AFG3L2: variants seen among roughly 807,000 people sequenced by gnomAD.
AFG3L2 encodes mitochondrial inner membrane m-AAA protease component AFG3L2.
In AFG3L2, 54 loss-of-function variants were observed where a neutral mutation model predicts 94.5. That is an observed-to-expected ratio of 0.57 (90% CI 0.46 to 0.72). AFG3L2 has a LOEUF of 0.72. AFG3L2 is among the 30% of genes least tolerant of loss of function. The pLI is 0.00. For missense variants in AFG3L2, 754 were observed against 994.9 expected (o/e 0.76, Z 3.26); for synonymous variants, 377 against 365.5 (o/e 1.03, Z -0.36).
At position 12,351,343 on chromosome 18, in the gene AFG3L2, C is replaced by A. The variant is rs11080572; in HGVS notation, c.1389G>T (p.Leu463=). The A allele has an allele frequency of 6.2e-7, 1 of 1,613,902 alleles. No individual in the cohort carries two copies. Among genetic ancestry groups the A allele is most frequent in the African/African-American group, 1.3e-5 (1 of 74,902 alleles). Residue 463 remains leucine, a synonymous_variant, in exon 11 of 17, where the codon CTG becomes CTT. Transcript: ENST00000269143. ...TNRPDILDPA[L]LRPGRFDRQI... ...GCCTGTCGAAACGCCCCGGCCTAAG[C>A]AGCGCGGGGTCCAGGATATCTGGTC...
intron 5 of AFG3L2, among the ~76,000 whole-genome samples, chr18:12,365,827 A>G (rs1201783566): frequency 2.6e-4 from 40 of 151,752 alleles, no homozygotes; most frequent in Non-Finnish European, 2.9e-5. Context: ...CCAAGGCTAC[A>G]CAGCAGGCCT....
rs1367524050 is a variant in AFG3L2, at chr18:12,329,446, G to T, written c.*119C>A. 5.6e-6 allele frequency: 6 copies of T among 1,075,120 alleles called. No homozygotes were observed. Among genetic ancestry groups the T allele is most frequent in the African/African-American group, 1.6e-5 (1 of 64,372 alleles). The allele number at this position is 1,075,120 out of a possible 1,614,324, so 66.6% of individuals were successfully genotyped here. A position where few individuals can be genotyped will look rare whatever the true frequency, so the allele number is the denominator to read the frequency against. ...AAGGACTCCTTTCCCCATCATTTCA[G>T]CTGGGCCAGTGGCTGGCTAAAATCA... On this transcript the variant is annotated 3_prime_UTR_variant, in exon 17 of 17. Transcript: ENST00000269143.
At chr18:12,336,751 C>A (rs1186889046) in intron 16 of AFG3L2, among the ~76,000 whole-genome samples, 1 of 152,102 alleles carries the variant, frequency 6.6e-6, no homozygotes, top group African/African-American at 2.4e-5. Flanking sequence ...ATTTTTTTCA[C>A]ATGGACTCTG....
chr18:12,329,115 T>A lies in AFG3L2; in HGVS notation c.*450A>T. ...TAAAATATTAAGTCAAATTAAAATG[T>A]TCTTATCAAGACTCCAATTTAATTT... On this transcript the variant is annotated 3_prime_UTR_variant, in exon 17 of 17. Transcript: ENST00000269143. 1.4e-6 allele frequency: 1 copy of A among 702,894 alleles called. No homozygotes were observed. Among genetic ancestry groups the A allele is most frequent in the East Asian group, 2.7e-5 (1 of 37,288 alleles). The allele number at this position is 702,894 out of a possible 1,614,324, so 43.5% of individuals were successfully genotyped here. A position where few individuals can be genotyped will look rare whatever the true frequency, so the allele number is the denominator to read the frequency against.
chr18:12,346,829 G>A lies in AFG3L2; in HGVS notation c.1663+1444C>T, dbSNP rs930416452. On this transcript the variant is annotated intron_variant, in intron 13 of 16. Coordinates refer to ENST00000269143, the MANE Select transcript of AFG3L2 (RefSeq NM_006796.3). ...TGAGGGAGGAGAATTGCTTGAACTC[G>A]GAAGGTGGAGGTTGCAGTGAGCCAA... 9.6e-4 allele frequency among the ~76,000 whole-genome samples: 142 copies of A among 147,326 alleles called. 1 individual carries two copies. Among genetic ancestry groups the A allele is most frequent in the African/African-American group, 3.5e-3 (138 of 39,702 alleles).
In AFG3L2 at chr18:12,329,076, C is replaced by A. The variant is rs546862017; in HGVS notation, c.*489G>T. 1.4e-6 allele frequency: 1 copy of A among 698,480 alleles called. No individual in the cohort carries two copies. Among genetic ancestry groups the A allele is most frequent in the Admixed American group, 2.0e-5 (1 of 49,560 alleles). 43.3% of individuals were successfully genotyped at this position (698,480 alleles called of 1,614,324 possible). The stretch of plus-strand genomic sequence containing the variant: ...TTCCATTAAGACAGCAACAAGTGAT[C>A]TGGATTCAATCTTTAAAATATTAAG... On this transcript the variant is annotated 3_prime_UTR_variant, in exon 17 of 17. Transcript: ENST00000269143.
intron 16 of AFG3L2, among the ~76,000 whole-genome samples, chr18:12,332,932 C>CTATATAATATATAATATATATTA (rs1282089860): frequency 0.62 from 69,941 of 112,168 alleles, 25,356 homozygotes; most frequent in Non-Finnish European, 0.76. Flanking sequence ...ATAACATATA[C>CTATATAATATATAATATATATTA]TATATAACAT....
At chr18:12,356,656 G>A (rs1908504856) in intron 9 of AFG3L2, 38 bp downstream of exon 9, 1 of 1,613,708 alleles carries the variant, frequency 6.2e-7, no homozygotes, top group African/African-American at 1.3e-5. Context: ...AGTGGTGGGT[G>A]CAAGGAAGCT....
At chr18:12,365,224 C>T (rs1289108600) in intron 5 of AFG3L2, among the ~76,000 whole-genome samples, 2 of 152,146 alleles carry the variant, frequency 1.3e-5, no homozygotes, top group African/African-American at 2.4e-5. Context: ...CACAGACACC[C>T]GCTGGGGAGA....
In AFG3L2 at chr18:12,329,312, T is replaced by C. The variant is rs1330612829; in HGVS notation, c.*253A>G. 7.3e-6 allele frequency: 5 copies of C among 680,966 alleles called. No individual in the cohort carries two copies. The highest frequency in any genetic ancestry group is 7.1e-5 in the African/African-American group (4 of 56,416). The allele number at this position is 680,966 out of a possible 1,614,324, so 42.2% of individuals were successfully genotyped here. ...AGCCTCGGCCACTCTGGGCTCAACC[T>C]TTCCAGCACGTCTGGGAGCCCAATG... On this transcript the variant is annotated 3_prime_UTR_variant, in exon 17 of 17. Transcript: ENST00000269143.
Position 12,356,387 on chromosome 18 carries a change from A to G in AFG3L2, c.1164+307T>C, listed in dbSNP as rs574278105. Among the ~76,000 whole-genome samples the G allele has an allele frequency of 2.0e-5, 3 of 152,258 alleles. No individual in the cohort carries two copies. The South Asian group carries it at 6.2e-4, about 32-fold the overall frequency. The stretch of plus-strand genomic sequence containing the variant: ...GGCTGGTCTCGAACTCCTGACTTCA[A>G]GCGTTCCACCCACTTCAGCCTTCCA... On this transcript the variant is annotated intron_variant, in intron 9 of 16. Transcript: ENST00000269143.
chr18:12,332,932 C>CTATATAATATATAATATATATTG (rs1282089860), intron 16 of AFG3L2, among the ~76,000 whole-genome samples: 1 of 113,046 alleles, frequency 8.8e-6, no homozygotes, highest in Non-Finnish European at 1.7e-5. Context: ...ATAACATATA[C>CTATATAATATATAATATATATTG]TATATAACAT....
chr18:12,337,042 G>C, intron 16 of AFG3L2: 1 of 588,364 alleles, frequency 1.7e-6, no homozygotes, highest in Non-Finnish European at 3.0e-6. Context: ...GGAGTACTGT[G>C]AACTATCTGG....
At position 12,335,578 on chromosome 18, in the gene AFG3L2, C is replaced by T. The variant is rs568164103; in HGVS notation, c.2175+1763G>A. On this transcript the variant is annotated intron_variant, in intron 16 of 16. Transcript: ENST00000269143. ...TCCCTGGGTACATCCTCAACCTTGA[C>T]GAAACAAACCTCTAAGCTGACAGAG... Among the ~76,000 whole-genome samples the T allele has an allele frequency of 2.2e-4, 34 of 152,316 alleles. No individual in the cohort carries two copies. The South Asian group carries it at 5.4e-3, about 24-fold the overall frequency.
intron 10 of AFG3L2, 37 bp from the exon 11 acceptor site, chr18:12,351,450 C>G (rs1464673045): frequency 1.3e-6 from 2 of 1,582,318 alleles, no homozygotes; most frequent in Admixed American, 1.7e-5. Flanking sequence ...TATTAAATGA[C>G]AAGAGGCAGA....
At chr18:12,376,348 ATGTCAGAAACACGTAT>A (rs1909155915) in intron 1 of AFG3L2, among the ~76,000 whole-genome samples, 1 of 152,228 alleles carries the variant, frequency 6.6e-6, no homozygotes, top group Non-Finnish European at 1.5e-5. Flanking sequence ...CTCTATCATT[ATGTCAGAAACACGTAT>A]CAGGTCCCGT....
rs144039964 is a variant in AFG3L2, at chr18:12,364,348, C to T, written c.553-492G>A. Among the ~76,000 whole-genome samples, 245 of 152,306 alleles carry T rather than the reference C, an allele frequency of 1.6e-3. 2 individuals are homozygous for T. The highest frequency in any genetic ancestry group is 8.3e-3 in the South Asian group (40 of 4,826). ...TGTTACACATTTCTCACAAGCAATG[C>T]TGTTACGAACATTCCCATATCTACC... On this transcript the variant is annotated intron_variant, in intron 5 of 16. Transcript: ENST00000269143.
chr18:12,366,437 G>A (rs1242941517), intron 5 of AFG3L2, among the ~76,000 whole-genome samples: 1 of 152,180 alleles, frequency 6.6e-6, no homozygotes, highest in Non-Finnish European at 1.5e-5. Flanking sequence ...CGCAGACAGA[G>A]AAATGGCAGG....
rs534238568 is a variant in AFG3L2, at chr18:12,356,963, T to G, written c.1027-132A>C. 169 of 876,900 alleles carry G rather than the reference T, an allele frequency of 1.9e-4. 1 individual carries two copies. In the East Asian group the frequency reaches 4.4e-3, roughly 23 times the overall value. The allele number at this position is 876,900 out of a possible 1,614,324, so 54.3% of individuals were successfully genotyped here. Reference sequence around the variant, plus strand: ...ATATATTAAATATTACTTAAACATCTGAGCTATGGTAGAACATTTTTATAT... The same window carrying G: ...ATATATTAAATATTACTTAAACATCGGAGCTATGGTAGAACATTTTTATAT... On this transcript the variant is annotated intron_variant, in intron 8 of 16. Coordinates refer to ENST00000269143, the MANE Select transcript of AFG3L2 (RefSeq NM_006796.3).
Sources: allele counts gnomAD v4.1 joint callset (sites outside exome capture counted in the v4.1 genomes callset), GRCh38; gene constraint gnomAD v4.1.1; transcripts MANE v1.5; gene names NCBI Gene and HGNC (gene_info 2026-07-23, HGNC 2026-07-21).